Variants in HDX observed in about 807,000 individuals in gnomAD.
The protein encoded by HDX is highly divergent homeobox.
HDX carries 19 observed loss-of-function variants against 45.2 expected under a neutral mutation model. The ratio of observed to expected loss-of-function variants is 0.42; its 90% CI spans 0.29 to 0.62. HDX has a LOEUF of 0.62. HDX is among the 20% of genes least tolerant of loss of function. The probability of loss-of-function intolerance (pLI) is 0.20; values close to 1 mark genes in which losing one functional copy is unlikely to be tolerated. For synonymous variants in HDX, 188 were observed against 172.8 expected (o/e 1.09, Z -0.69); for missense variants, 532 against 493.9 (o/e 1.08, Z -0.73).
At chrX:84,476,355 C>A (rs1200575007) in intron 2 of HDX, among the ~76,000 whole-genome samples, 6 of 109,316 alleles carry the variant, frequency 5.5e-5, no homozygotes, top group Non-Finnish European at 3.8e-5. Context: ...ACATCTTTTC[C>A]AAGAAAAGCG....
intron 2 of HDX, among the ~76,000 whole-genome samples, chrX:84,476,327 T>C (rs1202396595): frequency 1.8e-5 from 2 of 110,387 alleles, no homozygotes; most frequent in Admixed American, 1.9e-4. Flanking sequence ...ATCCCAAAAG[T>C]TGACAGAAAA....
intron 4 of HDX, among the ~76,000 whole-genome samples, chrX:84,459,257 A>C (rs1275028664): frequency 9.0e-6 from 1 of 110,575 alleles, no homozygotes; most frequent in East Asian, 2.9e-4. Context: ...CCTGGCTAAC[A>C]CAGTGAAACC....
At chrX:84,440,650 C>T (rs2039741117) in intron 4 of HDX, 65 bp from the exon 5 acceptor site, 1 of 668,283 alleles carries the variant, frequency 1.5e-6, no homozygotes, top group East Asian at 3.4e-5. Context: ...TGTTGATCAA[C>T]ACCAAAGATT....
intron 5 of HDX, among the ~76,000 whole-genome samples, chrX:84,415,635 GTGTTT>G (rs901773020): frequency 1.8e-5 from 2 of 112,112 alleles, no homozygotes; most frequent in African/African-American, 6.5e-5. Context: ...TGTTGCTTCA[GTGTTT>G]TGTTTTGTTT....
chrX:84,349,153 G>A (rs940937586), intron 6 of HDX, among the ~76,000 whole-genome samples: 4 of 110,756 alleles, frequency 3.6e-5, no homozygotes, highest in Non-Finnish European at 5.7e-5. Context: ...TTCTGCTCAT[G>A]GAATTCTGCT....
chrX:84,336,788 A>G lies in HDX; in HGVS notation c.1740+13T>C. 1 of 1,087,810 alleles carries G rather than the reference A, an allele frequency of 9.2e-7. No individual in the cohort carries two copies. The highest frequency in any genetic ancestry group is 1.3e-6 in the Non-Finnish European group (1 of 792,749). The allele number at this position is 1,087,810 out of a possible 1,213,427, so 89.6% of individuals were successfully genotyped here. On this transcript the variant is annotated intron_variant, in intron 8 of 10. Coordinates refer to ENST00000373177, the MANE Select transcript of HDX (RefSeq NM_001177479.2). ...AACCATGTAATGAGAAAAGAATTTC[A>G]AACTGTACATACCACATTATCTGTG...
intron 6 of HDX, among the ~76,000 whole-genome samples, chrX:84,360,667 A>C (rs1227254828): frequency 9.0e-6 from 1 of 111,376 alleles, no homozygotes; most frequent in African/African-American, 3.3e-5. Flanking sequence ...AAATAATATA[A>C]TATGTGGTCT....
intron 2 of HDX, among the ~76,000 whole-genome samples, chrX:84,481,820 G>A (rs1412480797): frequency 1.8e-5 from 2 of 111,318 alleles, no homozygotes; most frequent in African/African-American, 6.5e-5. Context: ...CACCCAAACA[G>A]TGAACATAGT....
chrX:84,363,864 G>A (rs1429261967), intron 5 of HDX, among the ~76,000 whole-genome samples: 1 of 111,380 alleles, frequency 9.0e-6, no homozygotes. Flanking sequence ...ACCTAAACCT[G>A]TGGCTGAGGT....
chrX:84,322,336 T>G (rs1316258935), intron 10 of HDX, among the ~76,000 whole-genome samples: 1 of 111,048 alleles, frequency 9.0e-6, no homozygotes, highest in African/African-American at 3.3e-5. Flanking sequence ...TAGTTTTGAG[T>G]GTGCATTGAT....
chrX:84,386,943 TA>T (rs764366427), intron 5 of HDX, among the ~76,000 whole-genome samples: 6 of 111,300 alleles, frequency 5.4e-5, no homozygotes, highest in Non-Finnish European at 1.1e-4. Flanking sequence ...GTTAGGTTAT[TA>T]ATTTGAGATC....
At chrX:84,333,542 A>G (rs1323271212) in intron 9 of HDX, among the ~76,000 whole-genome samples, 2 of 110,645 alleles carry the variant, frequency 1.8e-5, no homozygotes, top group Non-Finnish European at 1.9e-5. Context: ...ATCAATACTT[A>G]CTCCACTCAG....
intron 5 of HDX, among the ~76,000 whole-genome samples, chrX:84,427,441 A>T (rs1007458323): frequency 9.0e-6 from 1 of 111,356 alleles, no homozygotes; most frequent in African/African-American, 3.2e-5. Flanking sequence ...ATGTTTTCTA[A>T]TGCCTCCTGT....
At chrX:84,472,025 A>C (rs1316981873) in intron 3 of HDX, among the ~76,000 whole-genome samples, 1 of 110,699 alleles carries the variant, frequency 9.0e-6, no homozygotes, top group African/African-American at 3.3e-5. Context: ...ACATTTAAAA[A>C]AAATTAATGG....
At chrX:84,328,697 TAA>T (rs143203316) in intron 9 of HDX, among the ~76,000 whole-genome samples, 9,214 of 111,366 alleles carry the variant, frequency 0.083, 393 homozygotes, top group East Asian at 0.25. Context: ...TTACAATAGT[TAA>T]AGAGATTGAC....
intron 4 of HDX, among the ~76,000 whole-genome samples, chrX:84,441,814 A>G (rs921717750): frequency 9.0e-6 from 1 of 111,081 alleles, no homozygotes; most frequent in African/African-American, 3.3e-5. Flanking sequence ...GGGGCAGGGT[A>G]TTGTGGTAGT....
chrX:84,394,713 T>G (rs1251025853), intron 5 of HDX, among the ~76,000 whole-genome samples: 2 of 111,381 alleles, frequency 1.8e-5, no homozygotes, highest in African/African-American at 6.5e-5. Flanking sequence ...ATTATTACAT[T>G]CTCTTGCTGA....
At chrX:84,418,624 A>C (rs1374934312) in intron 5 of HDX, among the ~76,000 whole-genome samples, 1 of 109,337 alleles carries the variant, frequency 9.1e-6, no homozygotes, top group Non-Finnish European at 1.9e-5. Context: ...GAAGTTATGC[A>C]ATCAAAGGTT....
chrX:84,457,336 T>C (rs1412703628), intron 4 of HDX, among the ~76,000 whole-genome samples: 2 of 111,466 alleles, frequency 1.8e-5, no homozygotes, highest in Non-Finnish European at 3.8e-5. Flanking sequence ...CTCTATAAAA[T>C]ACTGCTAAAG....
Sources: gnomAD v4.1 joint callset for allele counts (sites outside exome capture counted in the v4.1 genomes callset) on GRCh38, gnomAD v4.1.1 for gene constraint, MANE v1.5 for transcripts, NCBI Gene and HGNC (gene_info 2026-07-23, HGNC 2026-07-21) for gene names.